The following WNK2 variants were observed in gnomAD, a reference collection of about 807,000 sequenced individuals.
WNK2 encodes the protein WNK lysine deficient protein kinase 2.
A neutral mutation model predicts 192.1 loss-of-function variants in WNK2; 67 were observed. The ratio of observed to expected loss-of-function variants is 0.35; its 90% CI spans 0.29 to 0.43. WNK2 has a LOEUF of 0.43. Ranked by LOEUF, WNK2 falls within the 20% of genes least tolerant of loss-of-function variation. WNK2 has a pLI of 1.00. For missense variants in WNK2, 2,698 were observed against 3,089.7 expected (o/e 0.87, Z 3.01); for synonymous variants, 1,439 against 1,393.9 (o/e 1.03, Z -0.72).
chr9:93,238,096 T>A, intron 5 of WNK2, 137 bp from the exon 6 acceptor site: 1 of 704,200 alleles, frequency 1.4e-6, no homozygotes, highest in Non-Finnish European at 2.4e-6. Flanking sequence ...TTTTGCCCAG[T>A]TTTCTAGTAG....
chr9:93,318,274 C>A, intron 29 of WNK2: 1 of 1,506,700 alleles, frequency 6.6e-7, no homozygotes, highest in South Asian at 1.3e-5. Flanking sequence ...AGCTGAAGTT[C>A]AATCTTTGGT....
rs1262362329 is a variant in WNK2, at chr9:93,320,496, C to A, written c.*104C>A. 4 of 1,191,800 alleles carry A rather than the reference C, an allele frequency of 3.4e-6. No individual in the cohort carries two copies. In the Admixed American group the frequency reaches 8.7e-5, roughly 26 times the overall value. The allele number at this position is 1,191,800 out of a possible 1,614,324, so 73.8% of individuals were successfully genotyped here. A position where few individuals can be genotyped will look rare whatever the true frequency, so the allele number is the denominator to read the frequency against. On this transcript the variant is annotated 3_prime_UTR_variant, in exon 30 of 30. Coordinates refer to ENST00000427277, the MANE Select transcript of WNK2 (RefSeq NM_006648.4). Reference sequence around the variant, plus strand: ...TCCAGTTCACGCTGTTTTGTAACCACTTTCTAAGCATTTTTTATTCACAAT... The same window carrying A: ...TCCAGTTCACGCTGTTTTGTAACCAATTTCTAAGCATTTTTTATTCACAAT...
At chr9:93,240,918 G>A (rs1840654857) in intron 7 of WNK2, among the ~76,000 whole-genome samples, 1 of 152,236 alleles carries the variant, frequency 6.6e-6, no homozygotes, top group South Asian at 2.1e-4. Flanking sequence ...AGTGGTTCTT[G>A]TCTTGAACAA....
chr9:93,230,821 T>C (rs1838660656), intron 3 of WNK2, 67 bp from the exon 4 acceptor site: 1 of 1,424,912 alleles, frequency 7.0e-7, no homozygotes, highest in African/African-American at 1.4e-5. Flanking sequence ...CAGTGTTAGG[T>C]GGGGGCTTTG....
intron 26 of WNK2, 113 bp downstream of exon 26, chr9:93,300,262 C>A (rs2134081206): frequency 1.2e-6 from 1 of 866,226 alleles, no homozygotes; most frequent in Non-Finnish European, 1.8e-6. Flanking sequence ...TCCCCCACCC[C>A]ATCGAAGTCA....
At chr9:93,309,875 A>AAGTATGTG (rs1172929674) in intron 28 of WNK2, among the ~76,000 whole-genome samples, 1 of 152,204 alleles carries the variant, frequency 6.6e-6, no homozygotes, top group Non-Finnish European at 1.5e-5. Context: ...TGCATCCCAA[A>AAGTATGTG]AGTATGTGCA....
intron 19 of WNK2, among the ~76,000 whole-genome samples, chr9:93,282,684 T>G (rs1847914946): frequency 6.6e-6 from 1 of 152,194 alleles, no homozygotes; most frequent in African/African-American, 2.4e-5. Context: ...GCCCTCAAAA[T>G]GCATAAAATA....
chr9:93,187,344 G>C (rs1043908121), intron 2 of WNK2, among the ~76,000 whole-genome samples: 6 of 152,164 alleles, frequency 3.9e-5, no homozygotes, highest in Non-Finnish European at 8.8e-5. Flanking sequence ...CTCTAGGTGG[G>C]AACAGCAACC....
chr9:93,185,047 C>A lies in WNK2; in HGVS notation c.118C>A (p.Arg40Ser). 7.7e-7 allele frequency: 1 copy of A among 1,293,170 alleles called. No individual in the cohort carries two copies. Among genetic ancestry groups the A allele is most frequent in the South Asian group, 2.2e-5 (1 of 44,668 alleles). The allele number at this position is 1,293,170 out of a possible 1,614,324, so 80.1% of individuals were successfully genotyped here. The change falls in exon 2 of 30, where the codon CGC (arginine) becomes AGC (serine). Residue 40 changes from arginine to serine, a missense_variant. Coordinates refer to ENST00000427277, the MANE Select transcript of WNK2 (RefSeq NM_006648.4). ...GAAGGCGGCGCGGCCGGGGCCCCAGCGCTTTCTGCGGCGCAGCGTGGTAGA... is the reference window on the plus strand; with the variant it reads ...GAAGGCGGCGCGGCCGGGGCCCCAGAGCTTTCTGCGGCGCAGCGTGGTAGA... ...RAKAARPGPQ[R>S]FLRRSVVESD...
chr9:93,198,175 G>A (rs915862919), intron 2 of WNK2, among the ~76,000 whole-genome samples: 2 of 152,236 alleles, frequency 1.3e-5, no homozygotes, highest in Admixed American at 1.3e-4. Flanking sequence ...GAGGAGGGTG[G>A]ACTGCAGGCT....
rs754878750 is a variant in WNK2, at chr9:93,257,001, C to T, written c.2244C>T (p.Pro748=). 126 of 1,599,374 alleles carry T rather than the reference C, an allele frequency of 7.9e-5. 1 individual carries two copies. Among genetic ancestry groups the T allele is most frequent in the Admixed American group, 5.4e-4 (32 of 59,074 alleles). Residue 748 remains proline (P), a synonymous_variant, in exon 11 of 30, where the codon CCC becomes CCT. Transcript: ENST00000427277. This position sits in a 1 kb window ranked among gnomAD's most constrained non-coding sequence, Gnocchi z 4.7. ...TGCCGCAGGTCCTGGCCCCACAGCC[C>T]GTGGTCCCCCTCCAGCCGGTTCCCC... The part of the protein sequence containing the change: ...TPLPQVLAPQ[P]VVPLQPVPPH...
chr9:93,188,397 G>T (rs1284539661), intron 2 of WNK2, among the ~76,000 whole-genome samples: 1 of 152,234 alleles, frequency 6.6e-6, no homozygotes, highest in Non-Finnish European at 1.5e-5. Context: ...AAAGAACTCT[G>T]TAGAGAGGGT....
intron 2 of WNK2, among the ~76,000 whole-genome samples, chr9:93,190,774 G>A (rs977616715): frequency 1.2e-4 from 19 of 152,180 alleles, no homozygotes; most frequent in Non-Finnish European, 2.5e-4. Flanking sequence ...AAACGTGGAC[G>A]CAAATGTCCA....
chr9:93,204,309 G>A lies in WNK2; in HGVS notation c.681+18699G>A, dbSNP rs1832990702. On this transcript the variant is annotated intron_variant, in intron 2 of 29. Transcript: ENST00000427277. The stretch of plus-strand genomic sequence containing the variant: ...TTCTGCTGGGGAGGCAGACGAGGGC[G>A]GGCAGAAGAACTGATGGCCTCTGTC... Among the ~76,000 whole-genome samples the A allele has an allele frequency of 2.6e-5, 4 of 152,290 alleles. No individual in the cohort carries two copies. The South Asian group carries it at 6.2e-4, about 24-fold the overall frequency.
chr9:93,209,030 G>A (rs1325237553), intron 2 of WNK2, among the ~76,000 whole-genome samples: 1 of 152,160 alleles, frequency 6.6e-6, no homozygotes, highest in South Asian at 2.1e-4. Context: ...TTTATGATCG[G>A]ACCAAGAGGT....
intron 29 of WNK2, chr9:93,319,394 A>T (rs929388262): frequency 1.0e-6 from 1 of 985,430 alleles, no homozygotes; most frequent in East Asian, 1.1e-4. Context: ...AGAGCAGGGC[A>T]TCTGGCAGGG....
intron 9 of WNK2, among the ~76,000 whole-genome samples, chr9:93,254,261 C>T (rs1333624041): frequency 6.6e-6 from 1 of 152,154 alleles, no homozygotes; most frequent in Admixed American, 6.5e-5. Context: ...CTGTGTGAGC[C>T]AGGAAACCCA....
intron 2 of WNK2, among the ~76,000 whole-genome samples, chr9:93,199,103 G>A (rs1053247739): frequency 6.6e-6 from 1 of 152,184 alleles, no homozygotes; most frequent in African/African-American, 2.4e-5. Flanking sequence ...CCTTGTGTGG[G>A]CCTGAGACGT....
intron 14 of WNK2, chr9:93,263,137 C>T: frequency 2.7e-6 from 1 of 375,630 alleles, no homozygotes; most frequent in South Asian, 2.9e-5. Flanking sequence ...GAACCGTGTC[C>T]TTATTTGAAC....
Sources: gnomAD v4.1 joint callset for allele counts (sites outside exome capture counted in the v4.1 genomes callset) on GRCh38, gnomAD v4.1.1 for gene constraint, Gnocchi (gnomAD v3.1) non-coding constraint, MANE v1.5 for transcripts, NCBI Gene and HGNC (gene_info 2026-07-23, HGNC 2026-07-21) for gene names.